The following DAAM1 variants were observed in gnomAD, a reference collection of about 807,000 sequenced individuals.
The protein encoded by DAAM1 is dishevelled associated activator of morphogenesis 1.
Under a neutral mutation model 130.0 loss-of-function variants are expected in DAAM1, and 52 were observed. The observed-to-expected ratio is 0.40, with a 90% CI of 0.32 to 0.50. The LOEUF is 0.50. Ranked by LOEUF, DAAM1 falls within the 20% of genes least tolerant of loss-of-function variation. The probability of loss-of-function intolerance (pLI) is 0.61; values close to 1 mark genes in which losing one functional copy is unlikely to be tolerated. For synonymous variants in DAAM1, 452 were observed against 444.5 expected (o/e 1.02, Z -0.21); for missense variants, 1,134 against 1,303.8 (o/e 0.87, Z 2.01).
intron 1 of DAAM1, among the ~76,000 whole-genome samples, chr14:59,253,922 A>T (rs1198725480): frequency 6.6e-6 from 1 of 152,274 alleles, no homozygotes; most frequent in Non-Finnish European, 1.5e-5. Context: ...GTATATATCT[A>T]TTCAACTTCG....
chr14:59,228,913 G>C (rs1000023234), intron 1 of DAAM1, among the ~76,000 whole-genome samples: 1 of 152,084 alleles, frequency 6.6e-6, no homozygotes, highest in Admixed American at 6.6e-5. Context: ...CTCTGTTTCC[G>C]TCTTTTCCCT....
At chr14:59,245,490 T>A (rs1164083543) in intron 1 of DAAM1, among the ~76,000 whole-genome samples, 1 of 152,200 alleles carries the variant, frequency 6.6e-6, no homozygotes, top group Non-Finnish European at 1.5e-5. Context: ...CAACAAAATA[T>A]TACCTAATTA....
Position 59,360,829 on chromosome 14 carries a change from T to C in DAAM1, c.2661T>C (p.Ser887=), listed in dbSNP as rs1886677218. 6.2e-7 allele frequency: 1 copy of C among 1,613,880 alleles called. No homozygotes were observed. The highest frequency in any genetic ancestry group is 1.7e-5 in the Admixed American group (1 of 59,996). The stretch of plus-strand genomic sequence containing the variant: ...TGACTGAGCTGGACAAAGAAATAAG[T>C]ACCTTGAGAAGTGGCTTGAAAGCAG... ...VNMTELDKEI[S]TLRSGLKAVE... The change falls in exon 22 of 25, where the codon AGT becomes AGC. Residue 887 remains serine (S), a synonymous_variant. Coordinates refer to ENST00000360909, the MANE Select transcript of DAAM1 (RefSeq NM_001270520.2).
At chr14:59,337,031 C>A (rs1012220033) in intron 15 of DAAM1, among the ~76,000 whole-genome samples, 4 of 152,138 alleles carry the variant, frequency 2.6e-5, no homozygotes, top group African/African-American at 9.7e-5. Flanking sequence ...GTCTTAATTT[C>A]CTGCCACTGG....
intron 1 of DAAM1, among the ~76,000 whole-genome samples, chr14:59,194,751 C>CT: frequency 6.6e-6 from 1 of 152,188 alleles, no homozygotes; most frequent in Non-Finnish European, 1.5e-5. Context: ...AGAAGAGATA[C>CT]TTTTATTTAT....
chr14:59,284,026 C>T (rs930133441), intron 2 of DAAM1, among the ~76,000 whole-genome samples: 9 of 152,216 alleles, frequency 5.9e-5, no homozygotes, highest in African/African-American at 1.7e-4. Flanking sequence ...AATGCAGTGT[C>T]GTGTACCTTT....
intron 1 of DAAM1, among the ~76,000 whole-genome samples, chr14:59,201,033 T>A (rs771314759): frequency 6.6e-6 from 1 of 151,712 alleles, no homozygotes; most frequent in African/African-American, 2.4e-5. Flanking sequence ...TGGTGGTGGG[T>A]GCCTGTAGTC....
At position 59,247,836 on chromosome 14, in the gene DAAM1, G is replaced by T. The variant is rs554717422; in HGVS notation, c.-37-15605G>T. Among the ~76,000 whole-genome samples the T allele has an allele frequency of 2.6e-4, 39 of 151,888 alleles. No homozygotes were observed. In the South Asian group the frequency reaches 7.9e-3, roughly 31 times the overall value. The stretch of plus-strand genomic sequence containing the variant: ...CACATGCTCAATAATTTCTTTGCAT[G>T]TTTAAACAAGTATATCCATTTTACA... On this transcript the variant is annotated intron_variant, in intron 1 of 24. Coordinates refer to ENST00000360909, the MANE Select transcript of DAAM1 (RefSeq NM_001270520.2).
intron 1 of DAAM1, among the ~76,000 whole-genome samples, chr14:59,242,358 A>G (rs1036061085): frequency 1.3e-5 from 2 of 152,262 alleles, no homozygotes; most frequent in South Asian, 2.1e-4. Context: ...TAGAATAATA[A>G]TAATAGTAAC....
At chr14:59,354,510 C>G (rs777061532) in intron 19 of DAAM1, among the ~76,000 whole-genome samples, 2 of 152,130 alleles carry the variant, frequency 1.3e-5, no homozygotes, top group Admixed American at 6.5e-5. Context: ...CTTTTGACTA[C>G]GAGGGTGTTG....
At chr14:59,351,279 T>G (rs896872640) in intron 17 of DAAM1, among the ~76,000 whole-genome samples, 4 of 152,192 alleles carry the variant, frequency 2.6e-5, no homozygotes, top group Admixed American at 6.5e-5. Context: ...GATTACTTAC[T>G]ATACCACTAT....
At chr14:59,314,483 T>TG (rs1884710586) in intron 3 of DAAM1, among the ~76,000 whole-genome samples, 1 of 151,510 alleles carries the variant, frequency 6.6e-6, no homozygotes, top group South Asian at 2.1e-4. Context: ...ATAACTGATT[T>TG]TTTTTTTTTT....
At chr14:59,252,179 G>T (rs754775672) in intron 1 of DAAM1, among the ~76,000 whole-genome samples, 1 of 152,154 alleles carries the variant, frequency 6.6e-6, no homozygotes, top group South Asian at 2.1e-4. Flanking sequence ...GAAAGCCAGC[G>T]GCCCTGGGTG....
At chr14:59,242,632 C>T (rs189935625) in intron 1 of DAAM1, among the ~76,000 whole-genome samples, 117 of 152,256 alleles carry the variant, frequency 7.7e-4, no homozygotes, top group Non-Finnish European at 1.2e-3. Context: ...GATCTCGGCT[C>T]ACTGCAAGCT....
intron 16 of DAAM1, 101 bp downstream of exon 16, chr14:59,340,281 AGG>A: frequency 1.9e-6 from 2 of 1,077,614 alleles, no homozygotes; most frequent in South Asian, 2.9e-5. Flanking sequence ...TACTCTGCTG[AGG>A]TACAGTTCTT....
chr14:59,331,586 C>T, intron 14 of DAAM1, 78 bp downstream of exon 14: 1 of 1,513,658 alleles, frequency 6.6e-7, no homozygotes, highest in Non-Finnish European at 8.8e-7. Flanking sequence ...GGGAAAACAG[C>T]CCTGGCTGTT....
chr14:59,277,638 A>C (rs1594795307), intron 2 of DAAM1, among the ~76,000 whole-genome samples: 1 of 152,204 alleles, frequency 6.6e-6, no homozygotes, highest in East Asian at 1.9e-4. Context: ...CTTGATGCAA[A>C]GGTTTCTCCT....
chr14:59,268,453 C>T (rs1332211659), intron 2 of DAAM1, among the ~76,000 whole-genome samples: 1 of 152,164 alleles, frequency 6.6e-6, no homozygotes, highest in East Asian at 1.9e-4. Context: ...TTTACATCTC[C>T]ACCAGCAATG....
intron 1 of DAAM1, among the ~76,000 whole-genome samples, chr14:59,190,584 G>A (rs962252445): frequency 1.3e-5 from 2 of 152,206 alleles, no homozygotes; most frequent in African/African-American, 2.4e-5. Flanking sequence ...AGGCTAGAGG[G>A]CGCAGGTCCT....
Sources: gnomAD v4.1 joint callset for allele counts (sites outside exome capture counted in the v4.1 genomes callset) on GRCh38, gnomAD v4.1.1 for gene constraint, MANE v1.5 for transcripts, NCBI Gene and HGNC (gene_info 2026-07-23, HGNC 2026-07-21) for gene names.